SMARCA1: variants seen among roughly 807,000 people sequenced by gnomAD.
SMARCA1 encodes SNF2 related chromatin remodeling ATPase 1.
SMARCA1 carries 17 observed loss-of-function variants against 93.6 expected under a neutral mutation model. The ratio of observed to expected loss-of-function variants is 0.18; its 90% CI spans 0.12 to 0.27. The LOEUF (loss-of-function observed/expected upper bound fraction) is 0.27, where lower values mean the gene tolerates loss of function less well. Ranked by LOEUF, SMARCA1 falls within the 10% of genes least tolerant of loss-of-function variation. SMARCA1 has a pLI of 1.00. For synonymous variants in SMARCA1, 271 were observed against 271.4 expected (o/e 1.00, Z 0.01); for missense variants, 630 against 819.0 (o/e 0.77, Z 2.82).
Position 129,481,063 on chromosome X carries a change from G to C in SMARCA1, c.2328+12C>G. On this transcript the variant is annotated intron_variant, in intron 18 of 24. Coordinates refer to ENST00000371121, the MANE Select transcript of SMARCA1 (RefSeq NM_001282874.2). Reference sequence around the variant, plus strand: ...ACTTTAGGACATAAAAACTGGCCTTGTACAGTTTTACCTTTGGAATCTTTG... The same window carrying C: ...ACTTTAGGACATAAAAACTGGCCTTCTACAGTTTTACCTTTGGAATCTTTG... 5 of 1,118,073 alleles carry C rather than the reference G, an allele frequency of 4.5e-6. No homozygotes were observed. Among genetic ancestry groups the C allele is most frequent in the Non-Finnish European group, 6.1e-6 (5 of 813,701 alleles). 92.1% of individuals were successfully genotyped at this position (1,118,073 alleles called of 1,213,427 possible). A position where few individuals can be genotyped will look rare whatever the true frequency, so the allele number is the denominator to read the frequency against.
chrX:129,487,373 T>C (rs1164762035), intron 16 of SMARCA1, among the ~76,000 whole-genome samples: 2 of 112,630 alleles, frequency 1.8e-5, no homozygotes, highest in African/African-American at 6.4e-5. Flanking sequence ...TTAAAATCTT[T>C]TGTCAGTGAA....
At chrX:129,450,416 C>G (rs1459202621) in intron 23 of SMARCA1, among the ~76,000 whole-genome samples, 1 of 112,078 alleles carries the variant, frequency 8.9e-6, no homozygotes, top group East Asian at 2.8e-4. Context: ...TTGCTTAAGC[C>G]ACTCAGTCTG....
At chrX:129,478,702 T>C (rs1933502212) in intron 19 of SMARCA1, among the ~76,000 whole-genome samples, 1 of 112,266 alleles carries the variant, frequency 8.9e-6, no homozygotes, top group African/African-American at 3.2e-5. Flanking sequence ...GTGGTCACTG[T>C]AAATTATCAT....
chrX:129,504,637 C>T, intron 9 of SMARCA1, 97 bp downstream of exon 9: 2 of 436,100 alleles, frequency 4.6e-6, no homozygotes, highest in Non-Finnish European at 7.6e-6. Context: ...AGCCAAGAGG[C>T]AAACACAAGT....
chrX:129,523,010 G>T (rs1185371270), intron 1 of SMARCA1, among the ~76,000 whole-genome samples, 187 bp downstream of exon 1: 1 of 110,131 alleles, frequency 9.1e-6, no homozygotes, highest in Non-Finnish European at 1.9e-5. Flanking sequence ...CCGTCCTCCA[G>T]GCGGCGAGAA....
intron 9 of SMARCA1, among the ~76,000 whole-genome samples, chrX:129,501,190 C>A (rs1292842050): frequency 6.2e-5 from 7 of 112,304 alleles, no homozygotes; most frequent in Non-Finnish European, 1.3e-4. Context: ...CTAAAATCAG[C>A]TCAGTCCTGA....
At chrX:129,479,976 G>A (rs1933576990) in intron 19 of SMARCA1, among the ~76,000 whole-genome samples, 2 of 111,798 alleles carry the variant, frequency 1.8e-5, no homozygotes, top group African/African-American at 6.5e-5. Context: ...GGGATTACAG[G>A]CATGAGCCAC....
chrX:129,487,886 T>C (rs73561328), intron 16 of SMARCA1, among the ~76,000 whole-genome samples: 1,182 of 111,355 alleles, frequency 0.011, 18 homozygotes, highest in African/African-American at 0.036. Context: ...ATTATTGGGG[T>C]TTTTCAGGTG....
At chrX:129,472,382 G>A (rs769733665) in intron 19 of SMARCA1, among the ~76,000 whole-genome samples, 1 of 111,264 alleles carries the variant, frequency 9.0e-6, no homozygotes, top group South Asian at 3.8e-4. Context: ...GGGGCATCAG[G>A]TAGTCATGGT....
At position 129,506,222 on chromosome X, in the gene SMARCA1, A is replaced by C. The variant is rs749495267; in HGVS notation, c.967-11T>G. The C allele has an allele frequency of 1.6e-5, 18 of 1,139,738 alleles. No individual in the cohort carries two copies. Among genetic ancestry groups the C allele is most frequent in the Non-Finnish European group, 2.2e-5 (18 of 831,963 alleles). 93.9% of individuals were successfully genotyped at this position (1,139,738 alleles called of 1,213,427 possible). A position where few individuals can be genotyped will look rare whatever the true frequency, so the allele number is the denominator to read the frequency against. On this transcript the variant is annotated splice_polypyrimidine_tract_variant and intron_variant, in intron 7 of 24. Coordinates refer to ENST00000371121, the MANE Select transcript of SMARCA1 (RefSeq NM_001282874.2). ...AACAATCTCTGAAAGCTAGAAAATAATACTCATATGAGGATTATTTTACTT... is the reference window on the plus strand; with the variant it reads ...AACAATCTCTGAAAGCTAGAAAATACTACTCATATGAGGATTATTTTACTT...
chrX:129,515,285 A>G (rs1006577626), intron 5 of SMARCA1, among the ~76,000 whole-genome samples: 1 of 110,412 alleles, frequency 9.1e-6, no homozygotes, highest in African/African-American at 3.3e-5. Flanking sequence ...ACACTTCGGG[A>G]GGTCGAGGTG....
In SMARCA1 at chrX:129,511,980, G is replaced by A; in HGVS notation, c.634C>T (p.Leu212Phe). ...VNGILADEMG[L>F]GKTLQTIALL... ...GCAATTGTTTGTAAAGTTTTCCCAA[G>A]GCCCTGCATTATCATCACAAGGAAA... The change falls in exon 6 of 25, where the codon CTT (leucine) becomes TTT (phenylalanine). Residue 212 changes from leucine (L) to phenylalanine (F), a missense_variant. Leu to Phe is a conservative substitution (Grantham distance 22). Coordinates refer to ENST00000371121, the MANE Select transcript of SMARCA1 (RefSeq NM_001282874.2). 8.5e-7 allele frequency: 1 copy of A among 1,178,835 alleles called. No individual in the cohort carries two copies. Among genetic ancestry groups the A allele is most frequent in the Non-Finnish European group, 1.1e-6 (1 of 879,072 alleles).
intron 19 of SMARCA1, among the ~76,000 whole-genome samples, chrX:129,479,188 TCTCA>T (rs1353945188): frequency 8.9e-6 from 1 of 112,006 alleles, no homozygotes; most frequent in African/African-American, 3.2e-5. Context: ...TCCTTTCAAG[TCTCA>T]CTAACAACAG....
At chrX:129,487,460 G>A (rs994177681) in intron 16 of SMARCA1, among the ~76,000 whole-genome samples, 24 of 112,568 alleles carry the variant, frequency 2.1e-4, no homozygotes, top group African/African-American at 7.7e-4. Flanking sequence ...GGCAAAGATG[G>A]ACTAAAAATA....
chrX:129,454,398 TAAAACACCAAAAGC>T (rs1190692612), intron 23 of SMARCA1, among the ~76,000 whole-genome samples: 1 of 111,592 alleles, frequency 9.0e-6, no homozygotes, highest in African/African-American at 3.3e-5. Flanking sequence ...ACTTCGTGAG[TAAAACACCAAAAGC>T]AATGGCAACA....
At chrX:129,462,032 G>C (rs1672041283) in intron 23 of SMARCA1, among the ~76,000 whole-genome samples, 1 of 111,763 alleles carries the variant, frequency 8.9e-6, no homozygotes, top group South Asian at 3.7e-4. Context: ...CTTTATGACT[G>C]TTAGTTAAGT....
chrX:129,522,541 A>C (rs1281817076), intron 1 of SMARCA1, among the ~76,000 whole-genome samples: 1 of 103,701 alleles, frequency 9.6e-6, no homozygotes, highest in Non-Finnish European at 2.0e-5. Flanking sequence ...GCGGGGGGGT[A>C]CGACGCAGAG....
intron 21 of SMARCA1, among the ~76,000 whole-genome samples, chrX:129,467,569 T>C (rs765622629): frequency 9.0e-6 from 1 of 110,766 alleles, no homozygotes; most frequent in African/African-American, 3.3e-5. Flanking sequence ...AGGAAGTTCA[T>C]ATACTTAATG....
At chrX:129,521,165 C>G (rs921449990) in intron 1 of SMARCA1, among the ~76,000 whole-genome samples, 18 of 111,592 alleles carry the variant, frequency 1.6e-4, no homozygotes, top group African/African-American at 5.9e-4. Context: ...GGATTACAGG[C>G]GCGAGCCACC....
Sources: allele counts gnomAD v4.1 joint callset (sites outside exome capture counted in the v4.1 genomes callset), GRCh38; gene constraint gnomAD v4.1.1; transcripts MANE v1.5; gene names NCBI Gene and HGNC (gene_info 2026-07-23, HGNC 2026-07-21).